Variants in ATP6V0D2 observed in about 807,000 individuals in gnomAD.
ATP6V0D2 encodes the protein V-type proton ATPase subunit d 2.
Under a neutral mutation model 40.0 loss-of-function variants are expected in ATP6V0D2, and 40 were observed. The ratio of observed to expected loss-of-function variants is 1.00; its 90% CI spans 0.78 to 1.30. The LOEUF is 1.30. Ranked by LOEUF, ATP6V0D2 falls within the 50% of genes most tolerant of loss-of-function variation. The pLI, the probability that ATP6V0D2 is intolerant of heterozygous loss-of-function variation, is 0.00. For synonymous variants in ATP6V0D2, 179 were observed against 156.3 expected (o/e 1.15, Z -1.08); for missense variants, 470 against 423.1 (o/e 1.11, Z -0.97).
chr8:86,145,709 A>G (rs192183943), intron 5 of ATP6V0D2, among the ~76,000 whole-genome samples: 11 of 152,320 alleles, frequency 7.2e-5, no homozygotes, highest in Admixed American at 4.6e-4. Context: ...ATAAGAATCC[A>G]TATTATCTAT....
chr8:86,107,546 G>A (rs1407687735), intron 1 of ATP6V0D2, among the ~76,000 whole-genome samples: 3 of 152,206 alleles, frequency 2.0e-5, no homozygotes, highest in Admixed American at 2.0e-4. Flanking sequence ...TATTGTTAAA[G>A]TTAAGAGATT....
chr8:86,112,208 T>C (rs1221300193), intron 1 of ATP6V0D2, among the ~76,000 whole-genome samples: 6 of 152,202 alleles, frequency 3.9e-5, no homozygotes, highest in Non-Finnish European at 7.3e-5. Flanking sequence ...CTATATAATA[T>C]CCTATAATAG....
chr8:86,135,407 C>T (rs1294250599), intron 2 of ATP6V0D2, among the ~76,000 whole-genome samples: 1 of 152,144 alleles, frequency 6.6e-6, no homozygotes, highest in Non-Finnish European at 1.5e-5. Flanking sequence ...TATCATCTGG[C>T]TTGAGCTCTT....
intron 2 of ATP6V0D2, among the ~76,000 whole-genome samples, chr8:86,130,694 C>T (rs1818812031): frequency 6.6e-6 from 1 of 152,012 alleles, no homozygotes; most frequent in Non-Finnish European, 1.5e-5. Flanking sequence ...CATTGCAAAT[C>T]CTGGCAGACG....
chr8:86,108,093 A>G (rs1818489730), intron 1 of ATP6V0D2, among the ~76,000 whole-genome samples: 1 of 152,096 alleles, frequency 6.6e-6, no homozygotes, highest in African/African-American at 2.4e-5. Flanking sequence ...TTTGTGGTGG[A>G]TTCTCTATGC....
intron 1 of ATP6V0D2, among the ~76,000 whole-genome samples, chr8:86,108,259 A>G (rs969021894): frequency 1.3e-5 from 2 of 152,068 alleles, no homozygotes; most frequent in African/African-American, 4.8e-5. Context: ...CTCCCACCTC[A>G]GCTTCCTGAG....
At chr8:86,139,952 T>C (rs1460910748) in intron 3 of ATP6V0D2, among the ~76,000 whole-genome samples, 1 of 152,218 alleles carries the variant, frequency 6.6e-6, no homozygotes, top group Non-Finnish European at 1.5e-5. Flanking sequence ...TACCAGGTCA[T>C]AGCAAATAAA....
Position 86,118,032 on chromosome 8 carries a change from T to TTTC in ATP6V0D2, c.302+4154_302+4155insCTT, listed in dbSNP as rs1563558106. 5.2e-4 allele frequency among the ~76,000 whole-genome samples: 77 copies of TTTC among 148,220 alleles called. No individual in the cohort carries two copies. In the East Asian group the frequency reaches 0.014, roughly 28 times the overall value. On this transcript the variant is annotated intron_variant, in intron 2 of 7. Transcript: ENST00000285393. ...TTTCTTTCTTTCTTTCTTTCTTTTT[T>TTTC]TTTCTTTCTTTCTTCTTTCTTTTTC...
chr8:86,132,264 T>A (rs988897260), intron 2 of ATP6V0D2, among the ~76,000 whole-genome samples: 6 of 152,136 alleles, frequency 3.9e-5, no homozygotes, highest in Non-Finnish European at 7.4e-5. Context: ...TTTTTTACAG[T>A]TATAGAATGT....
Position 86,099,039 on chromosome 8 carries a change from C to A in ATP6V0D2, c.61C>A (p.Arg21=). Residue 21 remains arginine (R), a synonymous_variant, in exon 1 of 8, where the codon CGA becomes AGA. Transcript: ENST00000285393. ...CCATGGCTACCTGGAGGGCCTGGTT[C>A]GAGGATGCAAGGCCAGCCTCCTGAC... is the stretch of plus-strand genomic sequence containing the variant. The part of the protein sequence containing the change: ...VDHGYLEGLV[R]GCKASLLTQQ... 1 of 1,613,674 alleles carries A rather than the reference C, an allele frequency of 6.2e-7. No individual in the cohort carries two copies. The highest frequency in any genetic ancestry group is 8.5e-7 in the Non-Finnish European group (1 of 1,179,956).
At chr8:86,119,036 A>G (rs1483262246) in intron 2 of ATP6V0D2, among the ~76,000 whole-genome samples, 2 of 152,122 alleles carry the variant, frequency 1.3e-5, no homozygotes, top group African/African-American at 4.8e-5. Flanking sequence ...ACAGTGACAG[A>G]GGGCAGCCCA....
intron 5 of ATP6V0D2, among the ~76,000 whole-genome samples, chr8:86,145,626 A>T (rs1205037795): frequency 6.6e-6 from 1 of 152,308 alleles, no homozygotes; most frequent in East Asian, 1.9e-4. Flanking sequence ...CATGCTAATC[A>T]TGCAACATCA....
intron 1 of ATP6V0D2, among the ~76,000 whole-genome samples, chr8:86,106,710 T>G (rs1343834560): frequency 6.6e-6 from 1 of 152,192 alleles, no homozygotes; most frequent in African/African-American, 2.4e-5. Context: ...ATATTTATTT[T>G]GGTAAGTAAA....
At chr8:86,136,736 A>T (rs761516826) in intron 2 of ATP6V0D2, among the ~76,000 whole-genome samples, 1 of 152,094 alleles carries the variant, frequency 6.6e-6, no homozygotes, top group Admixed American at 6.6e-5. Flanking sequence ...CCAACCAGAA[A>T]CGAATTCCCT....
intron 2 of ATP6V0D2, among the ~76,000 whole-genome samples, chr8:86,130,039 T>C (rs766899998): frequency 2.4e-4 from 37 of 151,774 alleles, no homozygotes; most frequent in Non-Finnish European, 4.6e-4. Flanking sequence ...TATACTTCTC[T>C]ATTTTCTCAC....
At chr8:86,136,160 T>C (rs955984667) in intron 2 of ATP6V0D2, among the ~76,000 whole-genome samples, 2 of 152,162 alleles carry the variant, frequency 1.3e-5, no homozygotes, top group Non-Finnish European at 2.9e-5. Context: ...CAGTAAGAGT[T>C]GAAATAAAAT....
intron 1 of ATP6V0D2, among the ~76,000 whole-genome samples, chr8:86,107,741 A>G (rs1002536665): frequency 1.3e-5 from 2 of 152,184 alleles, no homozygotes; most frequent in Admixed American, 6.5e-5. Context: ...AGCCTGGGAA[A>G]ATCGATTCAA....
chr8:86,102,075 G>T (rs1251705896), intron 1 of ATP6V0D2, among the ~76,000 whole-genome samples: 1 of 152,156 alleles, frequency 6.6e-6, no homozygotes, highest in Non-Finnish European at 1.5e-5. Flanking sequence ...GATGGAGGAT[G>T]GATAGAGCTA....
intron 1 of ATP6V0D2, among the ~76,000 whole-genome samples, chr8:86,101,017 G>C (rs182340498): frequency 1.4e-4 from 21 of 151,890 alleles, no homozygotes; most frequent in Non-Finnish European, 2.9e-4. Context: ...TGTGGTGGCA[G>C]ACACCTGTAA....
Sources: gnomAD v4.1 joint callset for allele counts (sites outside exome capture counted in the v4.1 genomes callset) on GRCh38, gnomAD v4.1.1 for gene constraint, MANE v1.5 for transcripts, NCBI Gene and HGNC (gene_info 2026-07-23, HGNC 2026-07-21) for gene names.